ARHGAP32: variants seen among roughly 807,000 people sequenced by gnomAD.
ARHGAP32 encodes the protein Rho GTPase activating protein 32, also known as rho GTPase-activating protein 32.
ARHGAP32 carries 51 observed loss-of-function variants against 186.5 expected under a neutral mutation model. That is an observed-to-expected ratio of 0.27 (90% CI 0.22 to 0.35). The LOEUF (loss-of-function observed/expected upper bound fraction) is 0.35. Among genes scored for constraint, ARHGAP32 ranks in the 10% least tolerant of loss-of-function variants. ARHGAP32 has a pLI of 1.00. For synonymous variants in ARHGAP32, 950 were observed against 964.3 expected (o/e 0.99, Z 0.27); for missense variants, 2,186 against 2,623.5 (o/e 0.83, Z 3.64).
At chr11:129,234,438 A>C (rs1408645729) in intron 1 of ARHGAP32, among the ~76,000 whole-genome samples, 1 of 152,132 alleles carries the variant, frequency 6.6e-6, no homozygotes, top group Non-Finnish European at 1.5e-5. Flanking sequence ...TATCCTAAGG[A>C]AATATGAAAA....
chr11:128,970,172 G>A lies in ARHGAP32; in HGVS notation c.5041C>T (p.Leu1681=). The A allele has an allele frequency of 6.2e-7, 1 of 1,614,196 alleles. No homozygotes were observed. Among genetic ancestry groups the A allele is most frequent in the Non-Finnish European group, 8.5e-7 (1 of 1,180,036 alleles). ...GTGCCATAGGCATCCACATCACACA[G>A]GGCCCCATCTGGACTGTAATAGGAA... ...SSSYYSPDGA[L]CDVDAYGTVQ... is the part of the protein sequence containing the mutation. The change falls in exon 23 of 23, where the codon CTG becomes TTG. Residue 1681 remains leucine (L), a synonymous_variant. Coordinates refer to ENST00000682385, the MANE Select transcript of ARHGAP32 (RefSeq NM_001378024.1). The surrounding 1 kb of genome is among the most constrained non-coding windows in gnomAD (Gnocchi z 5.8).
At chr11:129,031,185 TTAAA>T (rs1222171791) in intron 11 of ARHGAP32, among the ~76,000 whole-genome samples, 2 of 152,198 alleles carry the variant, frequency 1.3e-5, no homozygotes, top group African/African-American at 4.8e-5. Flanking sequence ...AAATAGTATC[TTAAA>T]TAAGTATCTA....
At chr11:129,154,265 C>T (rs984850456) in intron 2 of ARHGAP32, among the ~76,000 whole-genome samples, 5 of 152,082 alleles carry the variant, frequency 3.3e-5, no homozygotes, top group Non-Finnish European at 5.9e-5. Context: ...AAAGGGAACA[C>T]GTTTACATTG....
At chr11:129,053,040 C>T (rs894312386) in intron 10 of ARHGAP32, among the ~76,000 whole-genome samples, 1 of 151,770 alleles carries the variant, frequency 6.6e-6, no homozygotes, top group Non-Finnish European at 1.5e-5. Flanking sequence ...AACAAACCTG[C>T]ACATTGTGCA....
At chr11:129,021,824 G>A (rs1303335545) in intron 11 of ARHGAP32, among the ~76,000 whole-genome samples, 1 of 151,818 alleles carries the variant, frequency 6.6e-6, no homozygotes, top group Non-Finnish European at 1.5e-5. Context: ...TTACCACCTC[G>A]GTTATTATAT....
At chr11:128,993,864 T>A (rs1016939830) in intron 12 of ARHGAP32, among the ~76,000 whole-genome samples, 41 of 151,912 alleles carry the variant, frequency 2.7e-4, no homozygotes, top group Non-Finnish European at 4.1e-4. Flanking sequence ...GCTAATTTTT[T>A]AAAATTTTTT....
At chr11:129,017,341 C>T (rs1938398927) in intron 11 of ARHGAP32, among the ~76,000 whole-genome samples, 1 of 151,146 alleles carries the variant, frequency 6.6e-6, no homozygotes, top group Non-Finnish European at 1.5e-5. Context: ...GTAATCGCAG[C>T]TACTCAGCAG....
At chr11:129,193,702 A>ATT (rs1329721705), upstream of ARHGAP32, among the ~76,000 whole-genome samples, 1,175 of 33,082 alleles carry the variant, frequency 0.036, 44 homozygotes, top group African/African-American at 0.12. Flanking sequence ...TATAATATAT[A>ATT]ATATATATTA....
intron 10 of ARHGAP32, among the ~76,000 whole-genome samples, chr11:129,054,116 C>A (rs911703179): frequency 1.3e-5 from 2 of 150,776 alleles, no homozygotes; most frequent in East Asian, 3.9e-4. Flanking sequence ...TACTTGTGCA[C>A]GAAAACTCAC....
chr11:129,171,845 T>C (rs1180238146), intron 1 of ARHGAP32, among the ~76,000 whole-genome samples: 3 of 152,212 alleles, frequency 2.0e-5, no homozygotes, highest in Non-Finnish European at 4.4e-5. Flanking sequence ...TCTTATTTCC[T>C]TGAGCAGTGG....
intron 2 of ARHGAP32, among the ~76,000 whole-genome samples, chr11:129,154,208 AT>A (rs1346172292): frequency 5.9e-5 from 9 of 152,204 alleles, no homozygotes; most frequent in Non-Finnish European, 1.3e-4. Flanking sequence ...AGCAATAGCC[AT>A]AATTTAAAAA....
intron 1 of ARHGAP32, among the ~76,000 whole-genome samples, chr11:129,214,515 G>C (rs1944620786): frequency 6.6e-6 from 1 of 152,130 alleles, no homozygotes; most frequent in South Asian, 2.1e-4. Context: ...ACTATCTAAG[G>C]GGTGGTCTCA....
intron 1 of ARHGAP32, among the ~76,000 whole-genome samples, chr11:129,184,160 A>C (rs1170975334): frequency 1.3e-5 from 2 of 152,110 alleles, no homozygotes; most frequent in African/African-American, 2.4e-5. Flanking sequence ...AAACTGGAAA[A>C]TTACCCTGTA....
In ARHGAP32 at chr11:129,209,455, A is replaced by AT. The variant is rs1239017229; in HGVS notation, c.-4-45029dup. 5.9e-5 allele frequency among the ~76,000 whole-genome samples: 9 copies of AT among 151,874 alleles called. No homozygotes were observed. The East Asian group carries it at 1.5e-3, about 26-fold the overall frequency. ...GTAAGATATATAAAAAAAAGTAAATATAAAAAAAAGTAGGATTCTAAATAC... is the reference window on the plus strand; with the variant it reads ...GTAAGATATATAAAAAAAAGTAAATATTAAAAAAAAGTAGGATTCTAAATAC... On this transcript the variant is annotated intron_variant, in intron 1 of 6. Coordinates refer to the ARHGAP32 transcript ENST00000525234.
At chr11:129,069,396 G>A (rs1443787048) in intron 6 of ARHGAP32, among the ~76,000 whole-genome samples, 1 of 151,984 alleles carries the variant, frequency 6.6e-6, no homozygotes. Flanking sequence ...TTAATTTGGA[G>A]AACTTACTCT....
At chr11:129,001,141 T>C (rs565995447) in intron 11 of ARHGAP32, among the ~76,000 whole-genome samples, 19 of 152,342 alleles carry the variant, frequency 1.2e-4, no homozygotes, top group Non-Finnish European at 1.9e-4. Context: ...TTTGGGTATA[T>C]ACCCAGCAGT....
chr11:129,013,771 T>G (rs538037188), intron 11 of ARHGAP32, among the ~76,000 whole-genome samples: 5 of 152,196 alleles, frequency 3.3e-5, no homozygotes, highest in Non-Finnish European at 7.3e-5. Flanking sequence ...AAAGAGCTTA[T>G]TTGGGACACA....
At chr11:129,261,674 T>C (rs1171919638) in intron 1 of ARHGAP32, among the ~76,000 whole-genome samples, 2 of 152,184 alleles carry the variant, frequency 1.3e-5, no homozygotes, top group East Asian at 3.8e-4. Flanking sequence ...TCACCAGAGT[T>C]TTCAGGAAAT....
intron 1 of ARHGAP32, among the ~76,000 whole-genome samples, chr11:129,219,804 T>G (rs1032475044): frequency 4.6e-5 from 7 of 152,046 alleles, no homozygotes; most frequent in Non-Finnish European, 1.0e-4. Context: ...ATGCTCCTAC[T>G]TACAAACAAA....
Sources: allele counts gnomAD v4.1 joint callset (sites outside exome capture counted in the v4.1 genomes callset), GRCh38; gene constraint gnomAD v4.1.1; non-coding constraint Gnocchi (gnomAD v3.1); transcripts MANE v1.5; gene names NCBI Gene and HGNC (gene_info 2026-07-23, HGNC 2026-07-21).